The following IFI44L variants were observed in gnomAD, a reference collection of about 807,000 sequenced individuals.
The protein encoded by IFI44L is interferon induced protein 44 like.
IFI44L carries 40 observed loss-of-function variants against 39.3 expected under a neutral mutation model. That is an observed-to-expected ratio of 1.02 (90% CI 0.79 to 1.33). The LOEUF is 1.33. Among genes scored for constraint, IFI44L ranks in the 40% most tolerant of loss-of-function variants. The probability of loss-of-function intolerance (pLI) is 0.00; values close to 1 mark genes in which losing one functional copy is unlikely to be tolerated. For synonymous variants in IFI44L, 198 were observed against 182.3 expected (o/e 1.09, Z -0.69); for missense variants, 623 against 549.0 (o/e 1.13, Z -1.35).
chr1:78,620,455 A>AGAG lies in IFI44L; in HGVS notation c.-126_-124dup, dbSNP rs1336734928. The stretch of plus-strand genomic sequence containing the variant: ...TGAGTCTCAGTTTTCTTTCTTTCCT[A>AGAG]GAGTCTCTGAAGCCACAGATCTCTT... On this transcript the variant is annotated 5_prime_UTR_variant, in exon 1 of 9. Coordinates refer to ENST00000370751, the MANE Select transcript of IFI44L (RefSeq NM_006820.4). 5 of 152,104 alleles carry AGAG rather than the reference A, an allele frequency of 3.3e-5. No individual in the cohort carries two copies. The highest frequency in any genetic ancestry group is 1.2e-4 in the African/African-American group (5 of 41,420). The allele number at this position is 152,104 out of a possible 1,614,324, so 9.4% of individuals were successfully genotyped here.
At chr1:78,632,591 C>T (rs1652789215) in intron 4 of IFI44L, among the ~76,000 whole-genome samples, 1 of 152,156 alleles carries the variant, frequency 6.6e-6, no homozygotes, top group African/African-American at 2.4e-5. Context: ...CACATTGCAA[C>T]TAACCTTTAA....
rs148624377 is a variant in IFI44L at position 78,637,946 on chromosome 1, C to A, written c.1048+743C>A. 5.3e-4 allele frequency among the ~76,000 whole-genome samples: 81 copies of A among 152,156 alleles called. No homozygotes were observed. The East Asian group carries it at 0.015, about 28-fold the overall frequency. ...TATAAGTTTTTATTCCTCTGGGGTACATCTCCAGAAATGTAATGCTGGATC... is the reference window on the plus strand; with the variant it reads ...TATAAGTTTTTATTCCTCTGGGGTAAATCTCCAGAAATGTAATGCTGGATC... On this transcript the variant is annotated intron_variant, in intron 6 of 8. Transcript: ENST00000370751.
At chr1:78,635,720 T>C (rs1172641463) in intron 5 of IFI44L, 2 of 521,876 alleles carry the variant, frequency 3.8e-6, no homozygotes, top group Non-Finnish European at 6.7e-6. Context: ...ATTTGCATTC[T>C]AGTAAAAGAT....
chr1:78,630,074 A>G (rs1465093250), intron 4 of IFI44L, 159 bp downstream of exon 4: 9 of 686,690 alleles, frequency 1.3e-5, no homozygotes, highest in African/African-American at 1.1e-4. Flanking sequence ...CCATTGTGCT[A>G]TATTATACAG....
At chr1:78,624,299 A>G (rs908468640) in intron 1 of IFI44L, among the ~76,000 whole-genome samples, 2 of 152,136 alleles carry the variant, frequency 1.3e-5, no homozygotes, top group African/African-American at 2.4e-5. Flanking sequence ...CCTGGCCTCA[A>G]GATATTTTTA....
At chr1:78,636,731 G>T in intron 5 of IFI44L, 1 of 278,626 alleles carries the variant, frequency 3.6e-6, no homozygotes, top group Non-Finnish European at 6.7e-6. Context: ...GTTTATTTCT[G>T]GATACTAGGA....
chr1:78,635,241 G>A, intron 4 of IFI44L, 96 bp from the exon 5 acceptor site: 1 of 955,058 alleles, frequency 1.0e-6, no homozygotes, highest in Non-Finnish European at 1.6e-6. Flanking sequence ...GAGGACCATG[G>A]TGTTCAAATA....
At chr1:78,626,669 T>C (rs1297544952) in intron 1 of IFI44L, 1 of 152,072 alleles carries the variant, frequency 6.6e-6, no homozygotes, top group Non-Finnish European at 1.5e-5. Flanking sequence ...CCTGTACCTC[T>C]TTTCTTAAAT....
At chr1:78,641,219 AGT>A in intron 7 of IFI44L, 98 bp downstream of exon 7, 1 of 939,746 alleles carries the variant, frequency 1.1e-6, no homozygotes, top group Non-Finnish European at 1.7e-6. Context: ...GTGCTTACAG[AGT>A]GTATTTGCAG....
At chr1:78,625,174 G>A (rs1316034731) in intron 1 of IFI44L, among the ~76,000 whole-genome samples, 2 of 151,788 alleles carry the variant, frequency 1.3e-5, no homozygotes, top group Non-Finnish European at 2.9e-5. Flanking sequence ...CCATTAACAG[G>A]TTTTGGTATC....
At chr1:78,624,469 G>A (rs1360154634) in intron 1 of IFI44L, among the ~76,000 whole-genome samples, 3 of 152,154 alleles carry the variant, frequency 2.0e-5, no homozygotes, top group African/African-American at 7.2e-5. Context: ...TCTTAGATTT[G>A]TTAAGACTTG....
intron 4 of IFI44L, among the ~76,000 whole-genome samples, chr1:78,632,916 T>A (rs775980251): frequency 4.3e-4 from 65 of 152,178 alleles, no homozygotes; most frequent in Non-Finnish European, 8.7e-4. Context: ...GACAGGTTTA[T>A]AATTGAATTT....
intron 1 of IFI44L, 51 bp downstream of exon 1, chr1:78,620,622 A>G (rs1207874565): frequency 6.6e-6 from 1 of 152,194 alleles, no homozygotes; most frequent in African/African-American, 2.4e-5. Flanking sequence ...TTATGGGGTT[A>G]TGTGTGATAT....
In IFI44L at chr1:78,629,778, T is replaced by G; in HGVS notation, c.586T>G (p.Ser196Ala). ...RDYRPYADLV[S>A]EIRILLVGPV... ...CTATAGGCCCTATGCAGACTTGGTTTCAGAAATTCGTATTCTTTTGGTGGG... is the reference window on the plus strand; with the variant it reads ...CTATAGGCCCTATGCAGACTTGGTTGCAGAAATTCGTATTCTTTTGGTGGG... Residue 196 changes from serine to alanine, a missense_variant, in exon 4 of 9, where the codon TCA becomes GCA. Transcript: ENST00000370751. 6.2e-7 allele frequency: 1 copy of G among 1,613,832 alleles called. No individual in the cohort carries two copies. The highest frequency in any genetic ancestry group is 8.5e-7 in the Non-Finnish European group (1 of 1,179,796).
chr1:78,620,931 CTTT>C (rs1652250803), intron 1 of IFI44L: 1 of 152,182 alleles, frequency 6.6e-6, no homozygotes, highest in Admixed American at 6.5e-5. Context: ...ATGAAATCAA[CTTT>C]TATTTTAAGC....
In IFI44L at chr1:78,642,133, A is replaced by G. The variant is rs1646994464; in HGVS notation, c.*324A>G. ...ATATAGAGCTATGTGAGTACTAATC[A>G]CATTGAATAATAGTTATAAAATTAT... On this transcript the variant is annotated 3_prime_UTR_variant, in exon 9 of 9. Transcript: ENST00000370751. 8.4e-6 allele frequency: 3 copies of G among 358,650 alleles called. No individual in the cohort carries two copies. The highest frequency in any genetic ancestry group is 4.3e-5 in the Admixed American group (1 of 23,430). 22.2% of individuals were successfully genotyped at this position (358,650 alleles called of 1,614,324 possible).
rs748041683 is a variant in IFI44L, at chr1:78,641,401, C to G, written c.1150-34C>G. 7.6e-6 allele frequency: 12 copies of G among 1,572,044 alleles called. No homozygotes were observed. The Admixed American group carries it at 2.1e-4, about 28-fold the overall frequency. On this transcript the variant is annotated intron_variant, in intron 7 of 8. Coordinates refer to ENST00000370751, the MANE Select transcript of IFI44L (RefSeq NM_006820.4). Reference sequence around the variant, plus strand: ...TTGGTCAAATTTCAAATATTAAATACAGGACTTACACTTTTTAAATATACT... The same window carrying G: ...TTGGTCAAATTTCAAATATTAAATAGAGGACTTACACTTTTTAAATATACT...
chr1:78,623,123 C>T lies in IFI44L; in HGVS notation c.-11+2552C>T, dbSNP rs189953918. On this transcript the variant is annotated intron_variant, in intron 1 of 8. Transcript: ENST00000370751. Reference sequence around the variant, plus strand: ...AGGTTTTCCACATATAAGATAATATCATCTGTGAGCAGAGATGATTATACT... The same window carrying T: ...AGGTTTTCCACATATAAGATAATATTATCTGTGAGCAGAGATGATTATACT... Among the ~76,000 whole-genome samples the T allele has an allele frequency of 1.1e-4, 17 of 152,294 alleles. No individual in the cohort carries two copies. The East Asian group carries it at 1.7e-3, about 16-fold the overall frequency.
At chr1:78,620,707 C>G (rs1276247972) in intron 1 of IFI44L, 136 bp downstream of exon 1, 5 of 152,114 alleles carry the variant, frequency 3.3e-5, no homozygotes, top group Non-Finnish European at 5.9e-5. Context: ...TTTATCATTT[C>G]TTTGTATTTG....
Sources: gnomAD v4.1 joint callset for allele counts (sites outside exome capture counted in the v4.1 genomes callset) on GRCh38, gnomAD v4.1.1 for gene constraint, MANE v1.5 for transcripts, NCBI Gene and HGNC (gene_info 2026-07-23, HGNC 2026-07-21) for gene names.